Variants in CYFIP2 observed in about 807,000 individuals in gnomAD.
CYFIP2 encodes cytoplasmic FMR1-interacting protein 2.
A neutral mutation model predicts 158.7 loss-of-function variants in CYFIP2; 29 were observed. That is an observed-to-expected ratio of 0.18 (90% CI 0.14 to 0.25). The LOEUF (loss-of-function observed/expected upper bound fraction) is 0.25, where lower values mean the gene tolerates loss of function less well. Ranked by LOEUF, CYFIP2 falls within the 10% of genes least tolerant of loss-of-function variation. The pLI is 1.00. For missense variants in CYFIP2, 852 were observed against 1,639.5 expected (o/e 0.52, Z 8.29); for synonymous variants, 585 against 617.6 (o/e 0.95, Z 0.78).
intron 26 of CYFIP2, among the ~76,000 whole-genome samples, chr5:157,379,249 A>G (rs1765795987): frequency 6.6e-6 from 1 of 152,110 alleles, no homozygotes; most frequent in Admixed American, 6.5e-5. Flanking sequence ...TATCTATATG[A>G]TTATAGATAA....
At chr5:157,268,279 A>G (rs901667926) in intron 1 of CYFIP2, among the ~76,000 whole-genome samples, 1 of 152,246 alleles carries the variant, frequency 6.6e-6, no homozygotes, top group African/African-American at 2.4e-5. Context: ...TGGAAAATGA[A>G]AAAGGAAAAA....
intron 18 of CYFIP2, among the ~76,000 whole-genome samples, chr5:157,326,551 A>G (rs1211307430): frequency 6.6e-6 from 1 of 152,170 alleles, no homozygotes; most frequent in Non-Finnish European, 1.5e-5. Context: ...CTGCCTGCCA[A>G]CTCTGCTCAA....
In CYFIP2 at chr5:157,382,627, C is replaced by A; in HGVS notation, c.3077C>A (p.Pro1026His). The change falls in exon 27 of 31, where the codon CCC becomes CAC. Residue 1026 changes from proline to histidine, a missense_variant. Coordinates refer to ENST00000620254, the MANE Select transcript of CYFIP2 (RefSeq NM_001037333.3). ...GTCTGCGATTTGCTCCATGCCGCAC[C>A]CTTCCAAAACATCTTGCCTAGAGTC... ...EEVCDLLHAA[P>H]FQNILPRVYI... The A allele has an allele frequency of 6.2e-7, 1 of 1,613,980 alleles. No homozygotes were observed. The highest frequency in any genetic ancestry group is 8.5e-7 in the Non-Finnish European group (1 of 1,179,888).
At chr5:157,271,067 C>G (rs1756049318) in intron 1 of CYFIP2, among the ~76,000 whole-genome samples, 1 of 152,102 alleles carries the variant, frequency 6.6e-6, no homozygotes, top group African/African-American at 2.4e-5. Flanking sequence ...AAATAAAGGT[C>G]ATTAAGGGGC....
intron 30 of CYFIP2, among the ~76,000 whole-genome samples, chr5:157,392,616 T>A (rs1470821966): frequency 6.6e-6 from 1 of 152,236 alleles, no homozygotes; most frequent in Non-Finnish European, 1.5e-5. Flanking sequence ...TGTTGTTGAT[T>A]ATTGTAGCTC....
intron 26 of CYFIP2, among the ~76,000 whole-genome samples, chr5:157,374,338 A>G (rs1352346700): frequency 6.6e-6 from 1 of 152,204 alleles, no homozygotes; most frequent in Non-Finnish European, 1.5e-5. Context: ...ATTTTTAAAG[A>G]ATAACGTCTG....
chr5:157,340,619 T>C (rs7728429), intron 22 of CYFIP2, among the ~76,000 whole-genome samples: 228 of 152,378 alleles, frequency 1.5e-3, no homozygotes, highest in African/African-American at 5.0e-3. Context: ...TGTTTATTAT[T>C]GTCTGTGGGT....
At chr5:157,288,669 A>C (rs1171229773) in intron 3 of CYFIP2, 1 of 454,324 alleles carries the variant, frequency 2.2e-6, no homozygotes, top group South Asian at 1.6e-5. Flanking sequence ...GGTAGGTTCT[A>C]TTATCATATC....
chr5:157,340,121 A>G (rs1013124999), intron 22 of CYFIP2, among the ~76,000 whole-genome samples: 1 of 152,276 alleles, frequency 6.6e-6, no homozygotes, highest in Non-Finnish European at 1.5e-5. Flanking sequence ...GCCCGGGGCC[A>G]GGCACTGAGG....
chr5:157,322,864 C>G, intron 15 of CYFIP2: 1 of 1,369,246 alleles, frequency 7.3e-7, no homozygotes, highest in Non-Finnish European at 1.0e-6. Flanking sequence ...CTCTCTCTCT[C>G]TCTCTTTCTC....
rs2113367966 is a variant in CYFIP2 at position 157,361,703 on chromosome 5, A to C, written c.3039+105A>C. On this transcript the variant is annotated intron_variant, in intron 26 of 30. Coordinates refer to ENST00000620254, the MANE Select transcript of CYFIP2 (RefSeq NM_001037333.3). This position sits in a 1 kb window ranked among gnomAD's most constrained non-coding sequence, Gnocchi z 4.4. ...CAGCATTGATTTGTGCTTTGAGTACAAGCTCACATGCTCTTTTCAGTTCAT... is the reference window on the plus strand; with the variant it reads ...CAGCATTGATTTGTGCTTTGAGTACCAGCTCACATGCTCTTTTCAGTTCAT... 7.2e-7 allele frequency: 1 copy of C among 1,384,442 alleles called. No homozygotes were observed. The highest frequency in any genetic ancestry group is 2.4e-5 in the East Asian group (1 of 41,644). The allele number at this position is 1,384,442 out of a possible 1,614,324, so 85.8% of individuals were successfully genotyped here. A position where few individuals can be genotyped will look rare whatever the true frequency, so the allele number is the denominator to read the frequency against.
intron 26 of CYFIP2, chr5:157,363,599 G>C (rs1764052143): frequency 6.5e-6 from 1 of 152,702 alleles, no homozygotes; most frequent in African/African-American, 2.4e-5. Flanking sequence ...CAAGGGGACA[G>C]AGGTTAGAGC....
intron 8 of CYFIP2, 125 bp from the exon 9 acceptor site, chr5:157,307,634 AGG>A: frequency 2.5e-6 from 1 of 398,348 alleles, no homozygotes. Context: ...GTGTCTCTAC[AGG>A]GTGTGTGTGT....
chr5:157,320,904 G>A lies in CYFIP2; in HGVS notation c.1671+102G>A, dbSNP rs181799797. 1.2e-3 allele frequency: 1,703 copies of A among 1,377,960 alleles called. 6 individuals carry two copies. The highest frequency in any genetic ancestry group is 2.8e-3 in the South Asian group (180 of 63,980). The allele number at this position is 1,377,960 out of a possible 1,614,324, so 85.4% of individuals were successfully genotyped here. A position where few individuals can be genotyped will look rare whatever the true frequency, so the allele number is the denominator to read the frequency against. On this transcript the variant is annotated intron_variant, in intron 15 of 30. Transcript: ENST00000620254. ...ATGGGCAGTGGGACTGGGAGCCGTC[G>A]GTCAGGAGGGGCAGGGTTGAGTGGC...
rs1757056600 is a variant in CYFIP2 at position 157,282,397 on chromosome 5, G to A, written c.-23-2942G>A. Among the ~76,000 whole-genome samples, 4 of 152,326 alleles carry A rather than the reference G, an allele frequency of 2.6e-5. No homozygotes were observed. The South Asian group carries it at 8.3e-4, about 32-fold the overall frequency. Reference sequence around the variant, plus strand: ...CAAGGGGATGGCCCAAGCCATTCATGAGGGACCTGCCCACATGATCCAAAC... The same window carrying A: ...CAAGGGGATGGCCCAAGCCATTCATAAGGGACCTGCCCACATGATCCAAAC... On this transcript the variant is annotated intron_variant, in intron 1 of 30. Transcript: ENST00000620254.
chr5:157,344,051 C>T (rs1385338500), intron 23 of CYFIP2, among the ~76,000 whole-genome samples: 2 of 152,134 alleles, frequency 1.3e-5, no homozygotes, highest in Admixed American at 6.5e-5. Flanking sequence ...TTTTTAGCCT[C>T]CTGGTTCTGT....
chr5:157,364,288 C>T (rs1267170474), intron 26 of CYFIP2: 4 of 151,690 alleles, frequency 2.6e-5, no homozygotes, highest in African/African-American at 4.9e-5. Flanking sequence ...GACTCAGAGA[C>T]CATCAATTCA....
Position 157,383,373 on chromosome 5 carries a change from A to G in CYFIP2, c.3207+14A>G, listed in dbSNP as rs375207545. The G allele has an allele frequency of 1.1e-4, 182 of 1,608,722 alleles. No homozygotes were observed. Among genetic ancestry groups the G allele is most frequent in the Middle Eastern group, 8.2e-4 (5 of 6,076 alleles). Reference sequence around the variant, plus strand: ...GGGACCCCTCAGGTACCAATCTTATATAATAAATGGGCTCTGATCACTGAC... The same window carrying G: ...GGGACCCCTCAGGTACCAATCTTATGTAATAAATGGGCTCTGATCACTGAC... On this transcript the variant is annotated intron_variant, in intron 28 of 30. Coordinates refer to ENST00000620254, the MANE Select transcript of CYFIP2 (RefSeq NM_001037333.3).
At chr5:157,385,782 T>C (rs779311448) in intron 28 of CYFIP2, among the ~76,000 whole-genome samples, 1 of 152,136 alleles carries the variant, frequency 6.6e-6, no homozygotes, top group Non-Finnish European at 1.5e-5. Flanking sequence ...GAAGGAATAT[T>C]GTTACATATT....
Sources: allele counts gnomAD v4.1 joint callset (sites outside exome capture counted in the v4.1 genomes callset), GRCh38; gene constraint gnomAD v4.1.1; non-coding constraint Gnocchi (gnomAD v3.1); transcripts MANE v1.5; gene names NCBI Gene and HGNC (gene_info 2026-07-23, HGNC 2026-07-21).